Variants in PIK3C2A observed in about 807,000 individuals in gnomAD.
PIK3C2A encodes phosphatidylinositol 4-phosphate 3-kinase C2 domain-containing subunit alpha.
PIK3C2A carries 97 observed loss-of-function variants against 204.5 expected under a neutral mutation model. The observed-to-expected ratio is 0.47, with a 90% CI of 0.40 to 0.56. PIK3C2A has a LOEUF of 0.56. Among genes scored for constraint, PIK3C2A ranks in the 20% least tolerant of loss-of-function variants. PIK3C2A has a pLI of 0.00. For synonymous variants in PIK3C2A, 653 were observed against 664.4 expected, an observed-to-expected ratio of 0.98 and a Z score of 0.26; for missense variants, 1,735 against 1,969.2, an observed-to-expected ratio of 0.88 and a Z score of 2.25.
chr11:17,137,689 G>A (rs1423013818), intron 8 of PIK3C2A, among the ~76,000 whole-genome samples: 3 of 152,090 alleles, frequency 2.0e-5, no homozygotes, highest in Admixed American at 6.5e-5. Flanking sequence ...GATGACAGGC[G>A]TGAGCCACTG....
chr11:17,117,857 G>C (rs999625867), intron 18 of PIK3C2A, among the ~76,000 whole-genome samples, 186 bp from the exon 19 acceptor site: 3 of 151,492 alleles, frequency 2.0e-5, no homozygotes, highest in African/African-American at 7.3e-5. Flanking sequence ...GGGACTATAG[G>C]CGCCCGCCAC....
Position 17,088,643 on chromosome 11 carries a change from A to G in PIK3C2A, c.*1095T>C, listed in dbSNP as rs1329412042. The G allele has an allele frequency of 6.6e-6, 1 of 152,250 alleles. No homozygotes were observed. 9.4% of individuals were successfully genotyped at this position (152,250 alleles called of 1,614,324 possible). A position where few individuals can be genotyped will look rare whatever the true frequency, so the allele number is the denominator to read the frequency against. ...AAAATAACTTTTCATGTGAATGTAA[A>G]ATGTTTACACACATAAGTAAGACAG... On this transcript the variant is annotated 3_prime_UTR_variant, in exon 33 of 33. Coordinates refer to ENST00000691414, the MANE Select transcript of PIK3C2A (RefSeq NM_002645.4).
chr11:17,183,318 G>GAGT (rs1851630822), intron 1 of PIK3C2A, among the ~76,000 whole-genome samples: 1 of 152,134 alleles, frequency 6.6e-6, no homozygotes, highest in Admixed American at 6.6e-5. Flanking sequence ...TTTTATGAAA[G>GAGT]TATACTGTTA....
At chr11:17,125,638 C>G (rs1011994384) in intron 13 of PIK3C2A, among the ~76,000 whole-genome samples, 1 of 152,026 alleles carries the variant, frequency 6.6e-6, no homozygotes. Flanking sequence ...TCTCAGCCTC[C>G]CAAGTAGCTG....
intron 4 of PIK3C2A, among the ~76,000 whole-genome samples, chr11:17,149,171 A>G (rs1590964365): frequency 1.3e-5 from 2 of 152,256 alleles, no homozygotes; most frequent in East Asian, 3.9e-4. Context: ...TAGCATTTAC[A>G]TTGTATTAGG....
At position 17,095,680 on chromosome 11, in the gene PIK3C2A, T is replaced by A. The variant is rs554988483; in HGVS notation, c.4327-1295A>T. On this transcript the variant is annotated intron_variant, in intron 27 of 32. Coordinates refer to ENST00000691414, the MANE Select transcript of PIK3C2A (RefSeq NM_002645.4). ...ATCCCAGAACTTCGAGAGGCCGAAA[T>A]GAGTGGATTACTTGGGGCCAGGAAT... is the stretch of plus-strand genomic sequence containing the variant. Among the ~76,000 whole-genome samples the A allele has an allele frequency of 5.9e-5, 9 of 151,926 alleles. No homozygotes were observed. In the South Asian group the frequency reaches 1.7e-3, roughly 28 times the overall value.
intron 25 of PIK3C2A, among the ~76,000 whole-genome samples, chr11:17,100,224 T>C (rs560272741): frequency 8.4e-6 from 1 of 118,456 alleles, no homozygotes; most frequent in South Asian, 3.2e-4. Context: ...CAGATCTCCT[T>C]TTGTCTAGGC....
rs569882194 is a variant in PIK3C2A, at chr11:17,178,713, A to ATTTTTTTT, written c.-65-8915_-65-8908dup. 1.2e-3 allele frequency among the ~76,000 whole-genome samples: 12 copies of ATTTTTTTT among 9,818 alleles called. 5 individuals are homozygous for ATTTTTTTT. The highest frequency in any genetic ancestry group is 2.5e-3 in the Admixed American group (2 of 790). The allele number at this position is 9,818 out of a possible 152,430, so 6.4% of individuals were successfully genotyped here. A position where few individuals can be genotyped will look rare whatever the true frequency, so the allele number is the denominator to read the frequency against. On this transcript the variant is annotated intron_variant, in intron 1 of 32. Transcript: ENST00000691414. ...GCCACCACACCTGGTTGATTTTTGAATTTTTTTTTTTTTTTTTTTTTTTTT... is the reference window on the plus strand; with the variant it reads ...GCCACCACACCTGGTTGATTTTTGAATTTTTTTTTTTTTTTTTTTTTTTTTTTTTTTTT...
intron 22 of PIK3C2A, among the ~76,000 whole-genome samples, chr11:17,106,605 T>C (rs1031835522): frequency 2.0e-5 from 3 of 152,112 alleles, no homozygotes; most frequent in Non-Finnish European, 4.4e-5. Context: ...AATTTTTGTA[T>C]TTATTTATTT....
intron 1 of PIK3C2A, among the ~76,000 whole-genome samples, chr11:17,201,525 C>CAAAAAAAAAAA (rs869055451): frequency 3.5e-5 from 1 of 28,966 alleles, no homozygotes; most frequent in Non-Finnish European, 7.0e-5. Flanking sequence ...GACTCCGTCT[C>CAAAAAAAAAAA]AAAAAAAAAA....
rs367853217 is a variant in PIK3C2A, at chr11:17,147,649, T to C, written c.1449-21A>G. Reference sequence around the variant, plus strand: ...GATTACTGTTAAGATATATTAATTATTCACTATTCTATTCAAATTAGAAAT... The same window carrying C: ...GATTACTGTTAAGATATATTAATTACTCACTATTCTATTCAAATTAGAAAT... On this transcript the variant is annotated intron_variant, in intron 5 of 32. Coordinates refer to ENST00000691414, the MANE Select transcript of PIK3C2A (RefSeq NM_002645.4). 5.4e-5 allele frequency: 67 copies of C among 1,233,318 alleles called. 2 individuals are homozygous for C. The highest frequency in any genetic ancestry group is 4.9e-4 in the South Asian group (39 of 80,344). 76.4% of individuals were successfully genotyped at this position (1,233,318 alleles called of 1,614,324 possible).
rs537102822 is a variant in PIK3C2A, at chr11:17,206,119, GA to G, written c.-66+1728del. On this transcript the variant is annotated intron_variant, in intron 1 of 32. Transcript: ENST00000691414. ...TAGGCGACAGAGCGAGATTCAAACAGAAAAAAATTGTAAAACCTGTGATGAA... is the reference window on the plus strand; with the variant it reads ...TAGGCGACAGAGCGAGATTCAAACAGAAAAAATTGTAAAACCTGTGATGAA... Among the ~76,000 whole-genome samples the G allele has an allele frequency of 5.8e-3, 878 of 152,118 alleles. 18 individuals carry two copies. Among genetic ancestry groups the G allele is most frequent in the African/African-American group, 0.02 (835 of 41,528 alleles).
At chr11:17,133,306 T>C (rs1008595392) in intron 11 of PIK3C2A, among the ~76,000 whole-genome samples, 2 of 152,058 alleles carry the variant, frequency 1.3e-5, no homozygotes, top group African/African-American at 4.8e-5. Context: ...GTGAAGATTA[T>C]TATCCCTGTA....
At chr11:17,195,241 T>C (rs1852107472) in intron 1 of PIK3C2A, among the ~76,000 whole-genome samples, 1 of 150,840 alleles carries the variant, frequency 6.6e-6, no homozygotes, top group African/African-American at 2.4e-5. Context: ...GGTGAAACCC[T>C]GTCTCTACTA....
At chr11:17,117,718 T>TTG in intron 18 of PIK3C2A, 47 bp from the exon 19 acceptor site, 1 of 1,186,256 alleles carries the variant, frequency 8.4e-7, no homozygotes, top group Non-Finnish European at 1.2e-6. Flanking sequence ...GTTTTTTTTT[T>TTG]TTTTTTTTTT....
chr11:17,097,856 A>G (rs995822154), intron 26 of PIK3C2A, among the ~76,000 whole-genome samples: 1 of 152,222 alleles, frequency 6.6e-6, no homozygotes, highest in Non-Finnish European at 1.5e-5. Context: ...AAGAGGTTGC[A>G]GTGAGCTGAG....
In PIK3C2A at chr11:17,178,114, A is replaced by AAAAAAAAG. The variant is rs1851402204; in HGVS notation, c.-65-8309_-65-8308insCTTTTTTT. The stretch of plus-strand genomic sequence containing the variant: ...TCTCAAAAAAAAAAAAAAAAAAAAG[A>AAAAAAAAG]AAAAAAAAATTGCATGTCACATATA... On this transcript the variant is annotated intron_variant, in intron 1 of 32. Coordinates refer to ENST00000691414, the MANE Select transcript of PIK3C2A (RefSeq NM_002645.4). 7.4e-4 allele frequency among the ~76,000 whole-genome samples: 54 copies of AAAAAAAAG among 73,202 alleles called. 1 individual carries two copies. The highest frequency in any genetic ancestry group is 9.4e-4 in the Non-Finnish European group (32 of 34,126). 48.0% of individuals were successfully genotyped at this position (73,202 alleles called of 152,430 possible).
Position 17,168,916 on chromosome 11 carries a change from G to GTCTA in PIK3C2A, c.825_826insTAGA (p.Leu276Ter). The GTCTA allele has an allele frequency of 6.2e-7, 1 of 1,614,074 alleles. No homozygotes were observed. Among genetic ancestry groups the GTCTA allele is most frequent in the Non-Finnish European group, 8.5e-7 (1 of 1,179,968 alleles). Reference sequence around the variant, plus strand: ...ACATTATCCACCTTAGGCTTACTTAGAGGATCCAAGTCTAACCAGTCAAAT... The same window carrying GTCTA: ...ACATTATCCACCTTAGGCTTACTTAGTCTAAGGATCCAAGTCTAACCAGTCAAAT... On this transcript the variant is annotated stop_gained and frameshift_variant, in exon 2 of 33. Transcript: ENST00000691414. LOFTEE classifies it high-confidence loss of function.
intron 15 of PIK3C2A, among the ~76,000 whole-genome samples, chr11:17,120,737 A>G (rs1038170076): frequency 2.0e-5 from 3 of 152,130 alleles, no homozygotes; most frequent in African/African-American, 7.2e-5. Context: ...CACTATATAC[A>G]CTATTCTACT....
Sources: allele counts gnomAD v4.1 joint callset (sites outside exome capture counted in the v4.1 genomes callset), GRCh38; gene constraint gnomAD v4.1.1; transcripts MANE v1.5; gene names NCBI Gene and HGNC (gene_info 2026-07-23, HGNC 2026-07-21).